The following MMP28 variants were observed in gnomAD, a reference collection of about 807,000 sequenced individuals.
The protein encoded by MMP28 is matrix metalloproteinase-28.
A neutral mutation model predicts 60.5 loss-of-function variants in MMP28; 55 were observed. That is an observed-to-expected ratio of 0.91 (90% CI 0.73 to 1.14). The LOEUF (loss-of-function observed/expected upper bound fraction) is 1.14, where lower values mean the gene tolerates loss of function less well. Among genes scored for constraint, MMP28 ranks in the 50% most tolerant of loss-of-function variants. MMP28 has a pLI of 0.00. For missense variants in MMP28, 686 were observed against 738.3 expected (o/e 0.93, Z 0.82); for synonymous variants, 318 against 312.5 (o/e 1.02, Z -0.18).
rs71366482 is a variant in MMP28, at chr17:35,771,696, AAT to A, written c.605-1386_605-1385del. Reference sequence around the variant, plus strand: ...GAAAATATACATACATATAGAAGTGAATATATATATATATATATATATATATA... The same window carrying A: ...GAAAATATACATACATATAGAAGTGAATATATATATATATATATATATATA... On this transcript the variant is annotated intron_variant, in intron 4 of 7. Transcript: ENST00000605424. Among the ~76,000 whole-genome samples the A allele has an allele frequency of 3.4e-3, 173 of 50,184 alleles. 3 individuals carry two copies. The highest frequency in any genetic ancestry group is 0.01 in the Middle Eastern group (1 of 96). 32.9% of individuals were successfully genotyped at this position (50,184 alleles called of 152,430 possible).
Position 35,778,990 on chromosome 17 carries a change from C to A in MMP28, c.277G>T (p.Val93Phe). 1 of 1,614,062 alleles carries A rather than the reference C, an allele frequency of 6.2e-7. No individual in the cohort carries two copies. The highest frequency in any genetic ancestry group is 8.5e-7 in the Non-Finnish European group (1 of 1,179,902). ...GCCGCATAACTGTTGGTATCTGTAACCCCGCAGCGGGGACGAGTCATCTGG... is the reference window on the plus strand; with the variant it reads ...GCCGCATAACTGTTGGTATCTGTAAACCCGCAGCGGGGACGAGTCATCTGG... ...LRQMTRPRCG[V>F]TDTNSYAAWA... Residue 93 changes from valine (V) to phenylalanine (F), a missense_variant, in exon 3 of 8, where the codon GTT (valine) becomes TTT (phenylalanine). Coordinates refer to ENST00000605424, the MANE Select transcript of MMP28 (RefSeq NM_024302.5).
chr17:35,793,413 G>A (rs1411805263), intron 1 of MMP28, among the ~76,000 whole-genome samples: 1 of 152,092 alleles, frequency 6.6e-6, no homozygotes, highest in Non-Finnish European at 1.5e-5. Flanking sequence ...CCTTCTCCTG[G>A]GGCTGCAAAG....
At chr17:35,774,600 G>A (rs1441280521) in intron 3 of MMP28, among the ~76,000 whole-genome samples, 1 of 152,206 alleles carries the variant, frequency 6.6e-6, no homozygotes, top group Non-Finnish European at 1.5e-5. Context: ...GTCTTGGAGA[G>A]CAGAGGAGCT....
intron 4 of MMP28, 125 bp from the exon 5 acceptor site, chr17:35,770,437 T>C: frequency 7.7e-7 from 1 of 1,291,046 alleles, no homozygotes; most frequent in Non-Finnish European, 1.0e-6. Flanking sequence ...CCTCCTAAAA[T>C]CTGGCAGAAC....
downstream of MMP28, chr17:35,763,923 A>C (rs1330150490): frequency 1.0e-6 from 1 of 975,624 alleles, no homozygotes. Context: ...TAAATAAATA[A>C]ATAAATAAAT....
chr17:35,780,454 G>C (rs1555609071), intron 1 of MMP28, among the ~76,000 whole-genome samples: 10 of 152,168 alleles, frequency 6.6e-5, no homozygotes, highest in Non-Finnish European at 2.9e-5. Flanking sequence ...CTCTCTAAAA[G>C]ATGTATTTTT....
chr17:35,790,060 CTT>C lies in MMP28; in HGVS notation c.111+5205_111+5206del, dbSNP rs56405134. Among the ~76,000 whole-genome samples, 8 of 66,942 alleles carry C rather than the reference CTT, an allele frequency of 1.2e-4. No homozygotes were observed. The East Asian group carries it at 2.9e-3, about 24-fold the overall frequency. The allele number at this position is 66,942 out of a possible 152,430, so 43.9% of individuals were successfully genotyped here. ...TACAAGCATGAGCCACCGCACCTGGCTTTTTTTTTTTTTTTTTTTTTTTTGAG... is the reference window on the plus strand; with the variant it reads ...TACAAGCATGAGCCACCGCACCTGGCTTTTTTTTTTTTTTTTTTTTTTGAG... On this transcript the variant is annotated intron_variant, in intron 1 of 7. Coordinates refer to ENST00000605424, the MANE Select transcript of MMP28 (RefSeq NM_024302.5).
intron 1 of MMP28, 58 bp downstream of exon 1, chr17:35,795,209 C>A: frequency 1.6e-6 from 2 of 1,222,650 alleles, no homozygotes; most frequent in Non-Finnish European, 1.1e-6. Flanking sequence ...GCCTGACTGC[C>A]GAGTTCTGAC....
In MMP28 at chr17:35,766,036, G is replaced by T; in HGVS notation, c.*464C>A. The T allele has an allele frequency of 1.0e-6, 1 of 985,404 alleles. No individual in the cohort carries two copies. The allele number at this position is 985,404 out of a possible 1,614,324, so 61.0% of individuals were successfully genotyped here. A position where few individuals can be genotyped will look rare whatever the true frequency, so the allele number is the denominator to read the frequency against. ...TTCATCCCCATCCATGCTTCCTGGG[G>T]GTGGGGCCTCTGACTAAATATGACA... On this transcript the variant is annotated 3_prime_UTR_variant, in exon 8 of 8. Transcript: ENST00000605424. This position sits in a 1 kb window ranked among gnomAD's most constrained non-coding sequence, Gnocchi z 4.3.
At chr17:35,777,770 C>CA (rs1401939348) in intron 3 of MMP28, among the ~76,000 whole-genome samples, 4 of 152,230 alleles carry the variant, frequency 2.6e-5, no homozygotes, top group Non-Finnish European at 2.9e-5. Context: ...CACGGTAGGC[C>CA]AGGTGCGGTG....
chr17:35,764,169 A>G, downstream of MMP28: 1 of 1,548,528 alleles, frequency 6.5e-7, no homozygotes, highest in Non-Finnish European at 8.7e-7. Context: ...GTAGCGGAGG[A>G]GGGCGAAGGC....
chr17:35,764,289 T>C, downstream of MMP28: 4 of 1,525,322 alleles, frequency 2.6e-6, no homozygotes, highest in Non-Finnish European at 2.6e-6. Context: ...CTCGGCCCCT[T>C]AGCGCTGCTG....
chr17:35,780,719 C>T (rs2086473165), intron 1 of MMP28, among the ~76,000 whole-genome samples: 1 of 151,762 alleles, frequency 6.6e-6, no homozygotes, highest in Non-Finnish European at 1.5e-5. Flanking sequence ...CCTGTTGTCC[C>T]AACTACTCTG....
intron 4 of MMP28, 39 bp downstream of exon 4, chr17:35,773,141 C>G: frequency 6.3e-7 from 1 of 1,580,998 alleles, no homozygotes. Flanking sequence ...AAGTTGGGTT[C>G]CCCTCCTGCT....
At chr17:35,778,489 C>A (rs1290455727) in intron 3 of MMP28, 1 of 279,516 alleles carries the variant, frequency 3.6e-6, no homozygotes, top group Non-Finnish European at 6.9e-6. Flanking sequence ...TAAAAATATG[C>A]TATGGACAAA....
intron 7 of MMP28, 126 bp from the exon 8 acceptor site, chr17:35,767,020 A>G: frequency 1.1e-6 from 1 of 883,114 alleles, no homozygotes; most frequent in Non-Finnish European, 1.8e-6. Flanking sequence ...TATTCATATC[A>G]ATCAAACGGA....
At chr17:35,787,638 A>G (rs2086689826) in intron 1 of MMP28, among the ~76,000 whole-genome samples, 1 of 152,068 alleles carries the variant, frequency 6.6e-6, no homozygotes, top group African/African-American at 2.4e-5. Context: ...TTACAGGCGT[A>G]CACACCATGC....
chr17:35,789,125 G>T (rs989224218), intron 1 of MMP28, among the ~76,000 whole-genome samples: 1 of 152,170 alleles, frequency 6.6e-6, no homozygotes, highest in Admixed American at 6.6e-5. Flanking sequence ...TACATTGTGT[G>T]CACAGAGGGG....
chr17:35,771,299 C>T (rs567375642), intron 4 of MMP28, among the ~76,000 whole-genome samples: 7 of 151,496 alleles, frequency 4.6e-5, no homozygotes, highest in African/African-American at 1.2e-4. Flanking sequence ...GGCGTGGTGG[C>T]GGGTGTCTGT....
Sources: gnomAD v4.1 joint callset for allele counts (sites outside exome capture counted in the v4.1 genomes callset) on GRCh38, gnomAD v4.1.1 for gene constraint, Gnocchi (gnomAD v3.1) non-coding constraint, MANE v1.5 for transcripts, NCBI Gene and HGNC (gene_info 2026-07-23, HGNC 2026-07-21) for gene names.